CNTN4: variants seen among roughly 807,000 people sequenced by gnomAD.
The protein encoded by CNTN4 is contactin-4.
CNTN4 carries 77 observed loss-of-function variants against 122.5 expected under a neutral mutation model. The ratio of observed to expected loss-of-function variants is 0.63; its 90% CI spans 0.52 to 0.76. The LOEUF is 0.76. Ranked by LOEUF, CNTN4 falls within the 30% of genes least tolerant of loss-of-function variation. The pLI is 0.00. For missense variants in CNTN4, 1,256 were observed against 1,259.1 expected (o/e 1.00, Z 0.04); for synonymous variants, 512 against 447.0 (o/e 1.15, Z -1.83).
chr3:2,858,996 C>G (rs1212501593), intron 7 of CNTN4, among the ~76,000 whole-genome samples: 1 of 152,154 alleles, frequency 6.6e-6, no homozygotes, highest in Non-Finnish European at 1.5e-5. Flanking sequence ...TACAATAGCT[C>G]TCTTGAACTT....
chr3:2,771,625 C>G (rs980613922), intron 6 of CNTN4, among the ~76,000 whole-genome samples: 20 of 151,552 alleles, frequency 1.3e-4, no homozygotes, highest in African/African-American at 4.9e-4. Context: ...ATGTAAATGT[C>G]TTATATAAAA....
chr3:2,922,886 C>G (rs903445055), intron 12 of CNTN4, among the ~76,000 whole-genome samples: 1 of 152,184 alleles, frequency 6.6e-6, no homozygotes, highest in Non-Finnish European at 1.5e-5. Context: ...GCTGGGATTA[C>G]AGACATGAGC....
intron 7 of CNTN4, among the ~76,000 whole-genome samples, chr3:2,858,744 A>G (rs1317824482): frequency 1.3e-5 from 2 of 152,054 alleles, no homozygotes; most frequent in South Asian, 2.1e-4. Flanking sequence ...AAAACCCAAT[A>G]TCAAGATATA....
chr3:2,336,614 A>C (rs536364577), intron 2 of CNTN4, among the ~76,000 whole-genome samples: 1 of 152,292 alleles, frequency 6.6e-6, no homozygotes, highest in African/African-American at 2.4e-5. Flanking sequence ...AGAAACTTAA[A>C]CTAGCTCACA....
intron 6 of CNTN4, among the ~76,000 whole-genome samples, chr3:2,810,296 A>G (rs1186398158): frequency 6.6e-6 from 1 of 152,200 alleles, no homozygotes; most frequent in Non-Finnish European, 1.5e-5. Context: ...GCTGGATGGA[A>G]CTGGCCTTAG....
At chr3:3,044,968 A>ATCCCATGCATGGCTCAGAGGG (rs1559830140) in intron 23 of CNTN4, among the ~76,000 whole-genome samples, 1 of 152,212 alleles carries the variant, frequency 6.6e-6, no homozygotes, top group Non-Finnish European at 1.5e-5. Flanking sequence ...AGGAGATTAT[A>ATCCCATGCATGGCTCAGAGGG]TCCCATGCAT....
At chr3:2,491,490 A>T (rs1198218235) in intron 3 of CNTN4, among the ~76,000 whole-genome samples, 9 of 152,218 alleles carry the variant, frequency 5.9e-5, no homozygotes, top group Non-Finnish European at 1.0e-4. Flanking sequence ...TACTTAAAAA[A>T]TATTTTTCTG....
chr3:2,139,281 A>G (rs1184277170), intron 2 of CNTN4, among the ~76,000 whole-genome samples: 1 of 152,216 alleles, frequency 6.6e-6, no homozygotes, highest in African/African-American at 2.4e-5. Context: ...ATAAGAATTT[A>G]TGTACTAACG....
chr3:2,126,852 C>T (rs545570723), intron 2 of CNTN4, among the ~76,000 whole-genome samples: 15 of 152,140 alleles, frequency 9.9e-5, no homozygotes, highest in Middle Eastern at 3.4e-3. Context: ...AATAAAGAGA[C>T]GAGAAATACT....
chr3:2,449,982 G>A (rs1486021240), intron 3 of CNTN4, among the ~76,000 whole-genome samples: 1 of 152,186 alleles, frequency 6.6e-6, no homozygotes, highest in Non-Finnish European at 1.5e-5. Context: ...GGTATAGACT[G>A]TCAGTCAGGC....
At chr3:2,535,322 C>G (rs148031412) in intron 3 of CNTN4, among the ~76,000 whole-genome samples, 1 of 152,266 alleles carries the variant, frequency 6.6e-6, no homozygotes, top group Non-Finnish European at 1.5e-5. Context: ...GTTCTGCTTT[C>G]CCTTTGTTTC....
At chr3:2,384,263 C>G (rs559040381) in intron 3 of CNTN4, among the ~76,000 whole-genome samples, 17 of 152,214 alleles carry the variant, frequency 1.1e-4, no homozygotes, top group African/African-American at 3.9e-4. Context: ...TACTGATGGA[C>G]CTGCTTAAGT....
intron 8 of CNTN4, among the ~76,000 whole-genome samples, chr3:2,880,607 G>A (rs1186720310): frequency 6.6e-6 from 1 of 152,246 alleles, no homozygotes; most frequent in Non-Finnish European, 1.5e-5. Context: ...AGACTCAGGG[G>A]CAAGAGAACT....
chr3:3,008,264 G>A (rs1452119286), intron 14 of CNTN4, among the ~76,000 whole-genome samples: 2 of 152,096 alleles, frequency 1.3e-5, no homozygotes, highest in Non-Finnish European at 1.5e-5. Flanking sequence ...GACCTGTTTG[G>A]AGATAGAGCA....
At chr3:3,052,908 T>C (rs1344708310) in intron 23 of CNTN4, among the ~76,000 whole-genome samples, 1 of 152,236 alleles carries the variant, frequency 6.6e-6, no homozygotes, top group Non-Finnish European at 1.5e-5. Flanking sequence ...TCATAACTTA[T>C]TGTGCCTGGC....
At chr3:2,559,724 A>G (rs1327820294) in intron 3 of CNTN4, among the ~76,000 whole-genome samples, 2 of 152,324 alleles carry the variant, frequency 1.3e-5, no homozygotes, top group East Asian at 1.9e-4. Context: ...TTTATACCAA[A>G]TAAGAATTCA....
chr3:2,897,315 A>G (rs73005473), intron 10 of CNTN4, among the ~76,000 whole-genome samples: 13,513 of 152,238 alleles, frequency 0.089, 677 homozygotes, highest in South Asian at 0.12. Context: ...ACAATACTTA[A>G]GGAGTCCTAG....
intron 3 of CNTN4, among the ~76,000 whole-genome samples, chr3:2,482,256 C>G (rs1292616959): frequency 6.6e-6 from 1 of 152,066 alleles, no homozygotes; most frequent in African/African-American, 2.4e-5. Context: ...AGGTGACTTG[C>G]TATGATTTAG....
intron 4 of CNTN4, among the ~76,000 whole-genome samples, chr3:2,667,583 C>G (rs1486786808): frequency 6.6e-6 from 1 of 151,670 alleles, no homozygotes; most frequent in South Asian, 2.1e-4. Flanking sequence ...TGTGCAGAAG[C>G]TCTTTAGTTT....
Sources: gnomAD v4.1 joint callset for allele counts (sites outside exome capture counted in the v4.1 genomes callset) on GRCh38, gnomAD v4.1.1 for gene constraint, MANE v1.5 for transcripts, NCBI Gene and HGNC (gene_info 2026-07-23, HGNC 2026-07-21) for gene names.